The following DGKG variants were observed in gnomAD, a reference collection of about 807,000 sequenced individuals.
DGKG encodes DAG kinase gamma.
In DGKG, 78 loss-of-function variants were observed where a neutral mutation model predicts 105.3. The observed-to-expected ratio is 0.74, with a 90% CI of 0.62 to 0.89. DGKG has a LOEUF of 0.89. Ranked by LOEUF, DGKG falls within the 40% of genes least tolerant of loss-of-function variation. The pLI, the probability that DGKG is intolerant of heterozygous loss-of-function variation, is 0.00. For missense variants in DGKG, 958 were observed against 1,020.1 expected (o/e 0.94, Z 0.83); for synonymous variants, 346 against 367.1 (o/e 0.94, Z 0.66).
chr3:186,284,702 A>G lies in DGKG; in HGVS notation c.552T>C (p.Phe184=). The G allele has an allele frequency of 6.2e-7, 1 of 1,613,936 alleles. No homozygotes were observed. Among genetic ancestry groups the G allele is most frequent in the Non-Finnish European group, 8.5e-7 (1 of 1,179,816 alleles). Residue 184 remains phenylalanine, a synonymous_variant, in exon 7 of 25, where the codon TTT becomes TTC. Transcript: ENST00000265022. The surrounding 1 kb of genome is among the most constrained non-coding windows in gnomAD (Gnocchi z 4.0). ...GRPQDKLEFM[F]RLYDSDENGL... ...CGTTCTCATCTGAATCATAGAGGCG[A>G]AACATGACTGTAAGAAACACAGAGG...
chr3:186,361,540 A>G lies in DGKG; in HGVS notation c.-249+406T>C, dbSNP rs1409780913. On this transcript the variant is annotated intron_variant, in intron 1 of 24. Coordinates refer to ENST00000265022, the MANE Select transcript of DGKG (RefSeq NM_001346.3). The surrounding 1 kb of genome is among the most constrained non-coding windows in gnomAD (Gnocchi z 6.8). Reference sequence around the variant, plus strand: ...TCGGAGGCTTTGGCGGCCAGACATTAGGAAAAGCATCTCCTGCTTCTCGGA... The same window carrying G: ...TCGGAGGCTTTGGCGGCCAGACATTGGGAAAAGCATCTCCTGCTTCTCGGA... Among the ~76,000 whole-genome samples, 1 of 152,204 alleles carries G rather than the reference A, an allele frequency of 6.6e-6. No individual in the cohort carries two copies. Among genetic ancestry groups the G allele is most frequent in the Non-Finnish European group, 1.5e-5 (1 of 68,030 alleles).
At chr3:186,208,303 A>T (rs1315036847) in intron 21 of DGKG, among the ~76,000 whole-genome samples, 3 of 151,992 alleles carry the variant, frequency 2.0e-5, no homozygotes, top group Non-Finnish European at 4.4e-5. Flanking sequence ...TGGCTTCTCA[A>T]TGTGCTGGGA....
At chr3:186,205,492 C>G (rs939699427) in intron 21 of DGKG, among the ~76,000 whole-genome samples, 2 of 151,600 alleles carry the variant, frequency 1.3e-5, no homozygotes, top group Non-Finnish European at 2.9e-5. Flanking sequence ...GGTGGGTCAC[C>G]TGAGGTTAGG....
chr3:186,253,349 CA>C (rs1355502765), intron 17 of DGKG, among the ~76,000 whole-genome samples, 167 bp from the exon 18 acceptor site: 1 of 152,220 alleles, frequency 6.6e-6, no homozygotes, highest in Admixed American at 6.5e-5. Flanking sequence ...ATCCCATCTG[CA>C]GCGTGTTAAC....
At chr3:186,316,658 A>G (rs893222237) in intron 2 of DGKG, among the ~76,000 whole-genome samples, 1 of 152,200 alleles carries the variant, frequency 6.6e-6, no homozygotes, top group East Asian at 1.9e-4. Flanking sequence ...CTTGTCTCCA[A>G]GAGCAGTTTT....
intron 22 of DGKG, among the ~76,000 whole-genome samples, chr3:186,186,563 C>T (rs1019190785): frequency 9.9e-5 from 15 of 152,160 alleles, no homozygotes; most frequent in African/African-American, 3.6e-4. Flanking sequence ...CTGGTTCAAC[C>T]CCATCCATCC....
rs146317292 is a variant in DGKG at position 186,174,140 on chromosome 3, C to A, written c.2096-9122G>T. On this transcript the variant is annotated intron_variant, in intron 22 of 24. Transcript: ENST00000265022. The stretch of plus-strand genomic sequence containing the variant: ...AAGACTCTTAACTTTTCCGAGTCTG[C>A]CTTTTATCTGGAAAATGTATTAATA... Among the ~76,000 whole-genome samples the A allele has an allele frequency of 6.1e-3, 930 of 152,248 alleles. 16 individuals carry two copies. The highest frequency in any genetic ancestry group is 0.021 in the African/African-American group (890 of 41,526).
rs553193674 is a variant in DGKG at position 186,149,361 on chromosome 3, G to A, written c.*729C>T. 734 of 985,296 alleles carry A rather than the reference G, an allele frequency of 7.4e-4. 1 individual carries two copies. The highest frequency in any genetic ancestry group is 6.2e-3 in the Middle Eastern group (12 of 1,936). The allele number at this position is 985,296 out of a possible 1,614,324, so 61.0% of individuals were successfully genotyped here. On this transcript the variant is annotated 3_prime_UTR_variant, in exon 25 of 25. Transcript: ENST00000265022. ...AAAATAAATACCACATCTAAGGTGT[G>A]CTATGCAGGCAGCTCTGGGGGCTCT... is the stretch of plus-strand genomic sequence containing the variant.
chr3:186,338,067 G>A (rs934308973), intron 1 of DGKG, among the ~76,000 whole-genome samples: 9 of 151,100 alleles, frequency 6.0e-5, no homozygotes, highest in Non-Finnish European at 1.0e-4. Context: ...CTACTCGGGA[G>A]ACTGAGGTGG....
intron 10 of DGKG, among the ~76,000 whole-genome samples, chr3:186,273,367 C>CCTTTTTTTTTT (rs1553811123): frequency 2.3e-5 from 2 of 85,598 alleles, no homozygotes; most frequent in African/African-American, 3.9e-5. Context: ...TGTTGTACCC[C>CCTTTTTTTTTT]TTTTTTTTTT....
rs1719866310 is a variant in DGKG, at chr3:186,226,466, T to A, written c.1827-14581A>T. Among the ~76,000 whole-genome samples the A allele has an allele frequency of 6.8e-6, 1 of 148,002 alleles. No homozygotes were observed. The highest frequency in any genetic ancestry group is 1.5e-5 in the Non-Finnish European group (1 of 67,202). On this transcript the variant is annotated intron_variant, in intron 20 of 24. Transcript: ENST00000265022. The surrounding 1 kb of genome is among the most constrained non-coding windows in gnomAD (Gnocchi z 4.2). ...GAAACCGTGATTATGAGCAGCCGCT[T>A]CCCCTCTCCCCACCCAAGTTCAGGG...
In DGKG at chr3:186,203,209, G is replaced by A. The variant is rs1247054284; in HGVS notation, c.1917+8586C>T. 6.6e-6 allele frequency among the ~76,000 whole-genome samples: 1 copy of A among 152,184 alleles called. No individual in the cohort carries two copies. The highest frequency in any genetic ancestry group is 1.5e-5 in the Non-Finnish European group (1 of 68,034). On this transcript the variant is annotated intron_variant, in intron 21 of 24. Transcript: ENST00000265022. This position sits in a 1 kb window ranked among gnomAD's most constrained non-coding sequence, Gnocchi z 4.9. ...TGAAGGAAACTCGTAGTCAGTGCACGACTGAAAGAGACAGAGATGGGGATG... is the reference window on the plus strand; with the variant it reads ...TGAAGGAAACTCGTAGTCAGTGCACAACTGAAAGAGACAGAGATGGGGATG...
In DGKG at chr3:186,306,788, C is replaced by T. The variant is rs1724259709; in HGVS notation, c.144+113G>A. 1.7e-5 allele frequency: 12 copies of T among 702,654 alleles called. No individual in the cohort carries two copies. The South Asian group carries it at 1.9e-4, about 11-fold the overall frequency. 43.5% of individuals were successfully genotyped at this position (702,654 alleles called of 1,614,324 possible). A position where few individuals can be genotyped will look rare whatever the true frequency, so the allele number is the denominator to read the frequency against. On this transcript the variant is annotated intron_variant, in intron 3 of 24. Transcript: ENST00000265022. ...GGCTCACTTGAGACTTAAGAGGAAA[C>T]ATGCTGAGGAGCAAGTTCTTCAAGG...
rs765145736 is a variant in DGKG at position 186,288,728 on chromosome 3, G to C, written c.526C>G (p.Pro176Ala). 2.5e-6 allele frequency: 4 copies of C among 1,613,950 alleles called. No individual in the cohort carries two copies. The African/African-American group carries it at 5.3e-5, about 22-fold the overall frequency. ...CYLSLLETGR[P>A]QDKLEFMFRL... is the part of the protein sequence containing the mutation. ...CACTTACACTCCAGCTTATCCTGAG[G>C]CCTCCCCGTCTCCAGCAGGGACAGG... Residue 176 changes from proline to alanine, a missense_variant, in exon 6 of 25, where the codon CCT becomes GCT. Physicochemically the swap from Pro to Ala is conservative, Grantham distance 27 (BLOSUM62 -1). Transcript: ENST00000265022.
chr3:186,208,529 A>T (rs1415606472), intron 21 of DGKG, among the ~76,000 whole-genome samples: 2 of 152,286 alleles, frequency 1.3e-5, no homozygotes, highest in East Asian at 3.9e-4. Context: ...TGAACCTGTC[A>T]ACCTAAGTTC....
At chr3:186,239,776 T>A (rs751997639) in intron 20 of DGKG, among the ~76,000 whole-genome samples, 35 of 151,934 alleles carry the variant, frequency 2.3e-4, no homozygotes, top group Non-Finnish European at 4.6e-4. Flanking sequence ...AGGTGAAGAG[T>A]GAGCTGAGAA....
At chr3:186,244,282 G>A (rs1364121890) in intron 19 of DGKG, among the ~76,000 whole-genome samples, 1 of 152,080 alleles carries the variant, frequency 6.6e-6, no homozygotes, top group Non-Finnish European at 1.5e-5. Flanking sequence ...TGGCATAGGA[G>A]TCCAGCAGCC....
intron 20 of DGKG, among the ~76,000 whole-genome samples, chr3:186,235,498 C>T (rs943961024): frequency 4.6e-5 from 7 of 152,140 alleles, no homozygotes; most frequent in East Asian, 1.9e-4. Flanking sequence ...TGCTGTTGAA[C>T]CTTTATGCCT....
rs191095045 is a variant in DGKG, at chr3:186,149,030, G to A, written c.*1060C>T. On this transcript the variant is annotated 3_prime_UTR_variant, in exon 25 of 25. Coordinates refer to ENST00000265022, the MANE Select transcript of DGKG (RefSeq NM_001346.3). Reference sequence around the variant, plus strand: ...CACGCACACACACACACACACGCGCGCACACACGTTAAGACCATCAGAAGG... The same window carrying A: ...CACGCACACACACACACACACGCGCACACACACGTTAAGACCATCAGAAGG... The A allele has an allele frequency of 9.7e-4, 949 of 979,758 alleles. No homozygotes were observed. Among genetic ancestry groups the A allele is most frequent in the Non-Finnish European group, 1.1e-3 (900 of 827,326 alleles). 60.7% of individuals were successfully genotyped at this position (979,758 alleles called of 1,614,324 possible). A position where few individuals can be genotyped will look rare whatever the true frequency, so the allele number is the denominator to read the frequency against.
Sources: gnomAD v4.1 joint callset for allele counts (sites outside exome capture counted in the v4.1 genomes callset) on GRCh38, gnomAD v4.1.1 for gene constraint, Gnocchi (gnomAD v3.1) non-coding constraint, MANE v1.5 for transcripts, NCBI Gene and HGNC (gene_info 2026-07-23, HGNC 2026-07-21) for gene names.